The following GOLM2 variants were observed in gnomAD, a reference collection of about 807,000 sequenced individuals.
GOLM2 encodes protein GOLM2.
A neutral mutation model predicts 55.9 loss-of-function variants in GOLM2; 26 were observed. The observed-to-expected ratio is 0.47, with a 90% CI of 0.34 to 0.65. The LOEUF is 0.65. Ranked by LOEUF, GOLM2 falls within the 30% of genes least tolerant of loss-of-function variation. GOLM2 has a pLI of 0.01. For missense variants in GOLM2, 486 were observed against 531.8 expected (o/e 0.91, Z 0.85); for synonymous variants, 165 against 194.6 (o/e 0.85, Z 1.27).
chr15:44,379,467 G>A (rs2079387015), intron 6 of GOLM2, among the ~76,000 whole-genome samples: 2 of 151,950 alleles, frequency 1.3e-5, no homozygotes, highest in Non-Finnish European at 1.5e-5. Context: ...GACAGGGCAA[G>A]ACTCTGTCCC....
intron 9 of GOLM2, among the ~76,000 whole-genome samples, chr15:44,406,029 T>G (rs2079595230): frequency 6.6e-6 from 1 of 152,190 alleles, no homozygotes; most frequent in Non-Finnish European, 1.5e-5. Context: ...TTCATTACTG[T>G]GCCAATGTGG....
At chr15:44,383,460 A>G (rs1158792783) in intron 8 of GOLM2, among the ~76,000 whole-genome samples, 1 of 152,028 alleles carries the variant, frequency 6.6e-6, no homozygotes, top group African/African-American at 2.4e-5. Flanking sequence ...GCCTGGCCAC[A>G]TTGATTTTTA....
At chr15:44,399,141 T>C (rs1265964672) in intron 8 of GOLM2, among the ~76,000 whole-genome samples, 3 of 152,238 alleles carry the variant, frequency 2.0e-5, no homozygotes, top group Non-Finnish European at 4.4e-5. Context: ...TTTTGAACTT[T>C]CCCTTTTCTC....
At chr15:44,358,387 A>G (rs2141168200) in intron 6 of GOLM2, among the ~76,000 whole-genome samples, 1 of 152,290 alleles carries the variant, frequency 6.6e-6, no homozygotes, top group South Asian at 2.1e-4. Flanking sequence ...TATATAGAGA[A>G]GCAAAACATT....
intron 6 of GOLM2, among the ~76,000 whole-genome samples, chr15:44,341,926 G>A (rs2079093157): frequency 6.6e-6 from 1 of 151,460 alleles, no homozygotes; most frequent in Non-Finnish European, 1.5e-5. Flanking sequence ...CTGAACTCCT[G>A]ACCTCGTGAT....
intron 6 of GOLM2, among the ~76,000 whole-genome samples, chr15:44,342,123 C>G (rs570860151): frequency 2.0e-5 from 3 of 152,154 alleles, no homozygotes; most frequent in Admixed American, 2.0e-4. Context: ...TAATTTGGAA[C>G]TGGGAAAAAC....
intron 8 of GOLM2, among the ~76,000 whole-genome samples, chr15:44,387,786 A>G (rs539049679): frequency 1.7e-4 from 26 of 151,764 alleles, no homozygotes; most frequent in Non-Finnish European, 2.4e-4. Context: ...AAGAAATAAG[A>G]CTGATTTTTG....
At chr15:44,387,351 C>T (rs988121011) in intron 8 of GOLM2, 5 of 152,280 alleles carry the variant, frequency 3.3e-5, no homozygotes, top group African/African-American at 4.8e-5. Context: ...TTTTAGTGCA[C>T]AAGTCTTGTG....
chr15:44,383,045 T>C (rs1435536421), intron 8 of GOLM2, among the ~76,000 whole-genome samples: 1 of 151,436 alleles, frequency 6.6e-6, no homozygotes, highest in Non-Finnish European at 1.5e-5. Context: ...GTGATTTACT[T>C]TGACATTATT....
intron 6 of GOLM2, among the ~76,000 whole-genome samples, chr15:44,378,206 G>A (rs552215371): frequency 3.3e-5 from 5 of 151,392 alleles, no homozygotes; most frequent in African/African-American, 4.8e-5. Context: ...CCGCCACCAC[G>A]CCCGGCTAAT....
intron 1 of GOLM2, among the ~76,000 whole-genome samples, chr15:44,297,411 A>T (rs963998703): frequency 6.6e-6 from 1 of 151,972 alleles, no homozygotes; most frequent in African/African-American, 2.4e-5. Context: ...CCTGACCCAA[A>T]TTGTATTTCA....
At chr15:44,337,022 G>T (rs1406006421) in intron 4 of GOLM2, among the ~76,000 whole-genome samples, 1 of 151,930 alleles carries the variant, frequency 6.6e-6, no homozygotes, top group Non-Finnish European at 1.5e-5. Context: ...ATTTCATACT[G>T]CATTAGAGTT....
intron 8 of GOLM2, among the ~76,000 whole-genome samples, chr15:44,389,794 T>C (rs78662977): frequency 0.098 from 14,978 of 152,140 alleles, 1,568 homozygotes; most frequent in African/African-American, 0.25. Flanking sequence ...GGGATCATCC[T>C]ACCTCAGCCT....
At chr15:44,313,618 G>T (rs1477408802) in intron 1 of GOLM2, among the ~76,000 whole-genome samples, 1 of 152,094 alleles carries the variant, frequency 6.6e-6, no homozygotes, top group Non-Finnish European at 1.5e-5. Context: ...ATATATTGCT[G>T]TATCTTTAGG....
At chr15:44,305,693 G>A (rs2078832293) in intron 1 of GOLM2, among the ~76,000 whole-genome samples, 1 of 152,118 alleles carries the variant, frequency 6.6e-6, no homozygotes, top group African/African-American at 2.4e-5. Context: ...TTACATCATG[G>A]TAGGTATAGC....
intron 4 of GOLM2, among the ~76,000 whole-genome samples, chr15:44,332,555 G>A (rs1268372436): frequency 3.6e-5 from 5 of 140,634 alleles, no homozygotes; most frequent in East Asian, 2.1e-4. Context: ...GTGAGACTCC[G>A]TTTCAAAAAA....
chr15:44,299,743 C>T (rs1390971980), intron 1 of GOLM2, among the ~76,000 whole-genome samples: 1 of 151,668 alleles, frequency 6.6e-6, no homozygotes, highest in African/African-American at 2.4e-5. Context: ...GAGGCCTGTC[C>T]CATACAAAGC....
chr15:44,378,396 C>T (rs1185494027), intron 6 of GOLM2, among the ~76,000 whole-genome samples: 1 of 140,710 alleles, frequency 7.1e-6, no homozygotes, highest in Admixed American at 7.5e-5. Context: ...TCACTCTTAT[C>T]GCCCAGGCCG....
At chr15:44,346,965 A>G (rs866878750) in intron 6 of GOLM2, among the ~76,000 whole-genome samples, 2 of 142,772 alleles carry the variant, frequency 1.4e-5, no homozygotes, top group Non-Finnish European at 3.2e-5. Context: ...ATATCTTAGG[A>G]AAAAAAAAAA....
Sources: allele counts gnomAD v4.1 joint callset (sites outside exome capture counted in the v4.1 genomes callset), GRCh38; gene constraint gnomAD v4.1.1; transcripts MANE v1.5; gene names NCBI Gene and HGNC (gene_info 2026-07-23, HGNC 2026-07-21).